The following CSMD2 variants were observed in gnomAD, a reference collection of about 807,000 sequenced individuals.
The protein encoded by CSMD2 is CUB and sushi domain-containing protein 2.
Under a neutral mutation model 398.5 loss-of-function variants are expected in CSMD2, and 130 were observed. The observed-to-expected ratio is 0.33, with a 90% CI of 0.28 to 0.38. The LOEUF is 0.38. CSMD2 is among the 10% of genes least tolerant of loss of function. CSMD2 has a pLI of 1.00. For synonymous variants in CSMD2, 1,828 were observed against 1,908.5 expected, an observed-to-expected ratio of 0.96 and a Z score of 1.10; for missense variants, 3,829 against 4,764.9, an observed-to-expected ratio of 0.80 and a Z score of 5.78.
intron 42 of CSMD2, among the ~76,000 whole-genome samples, chr1:33,602,749 T>A (rs963494696): frequency 2.0e-5 from 3 of 152,166 alleles, no homozygotes; most frequent in Non-Finnish European, 4.4e-5. Flanking sequence ...TGGCTGGCTC[T>A]CAATCATCAC....
chr1:33,935,013 T>TAAAAAAAAAAAAA (rs537683892), intron 4 of CSMD2, among the ~76,000 whole-genome samples: 23 of 41,838 alleles, frequency 5.5e-4, no homozygotes, highest in African/African-American at 1.0e-3. Flanking sequence ...CAAATAAAAT[T>TAAAAAAAAAAAAA]AAAAAAAAAA....
intron 3 of CSMD2, among the ~76,000 whole-genome samples, chr1:34,013,231 G>A (rs541142828): frequency 2.6e-5 from 4 of 152,124 alleles, no homozygotes; most frequent in African/African-American, 7.2e-5. Flanking sequence ...TCAATCCATC[G>A]TTCCCTGGGC....
At chr1:34,086,885 C>T (rs936779086) in intron 2 of CSMD2, among the ~76,000 whole-genome samples, 5 of 152,096 alleles carry the variant, frequency 3.3e-5, no homozygotes, top group African/African-American at 1.2e-4. Flanking sequence ...CTGCCACCTC[C>T]CAGCCTCACT....
intron 25 of CSMD2, among the ~76,000 whole-genome samples, chr1:33,677,859 C>CA (rs1162049232): frequency 6.8e-6 from 1 of 147,704 alleles, no homozygotes; most frequent in African/African-American, 2.5e-5. Context: ...ATCACAAGGA[C>CA]AAAAAACCAA....
chr1:33,912,317 CA>C (rs1643490844), intron 5 of CSMD2, among the ~76,000 whole-genome samples: 1 of 152,074 alleles, frequency 6.6e-6, no homozygotes, highest in African/African-American at 2.4e-5. Context: ...CACAGAGTCA[CA>C]GCCAAGGAAA....
chr1:33,655,240 C>A (rs1416439640), intron 27 of CSMD2, among the ~76,000 whole-genome samples: 2 of 152,218 alleles, frequency 1.3e-5, no homozygotes, highest in African/African-American at 4.8e-5. Flanking sequence ...ATCCTGAGCA[C>A]AAATTCTGAC....
At chr1:33,588,402 T>C (rs1278439334) in intron 44 of CSMD2, among the ~76,000 whole-genome samples, 1 of 152,174 alleles carries the variant, frequency 6.6e-6, no homozygotes, top group Non-Finnish European at 1.5e-5. Context: ...TTTTTCTTTT[T>C]TAACTAGGAA....
intron 65 of CSMD2, among the ~76,000 whole-genome samples, chr1:33,526,432 C>A (rs747132113): frequency 2.0e-5 from 3 of 152,208 alleles, no homozygotes; most frequent in Non-Finnish European, 4.4e-5. Context: ...TCCCATCTAC[C>A]TTATCAGGGT....
intron 9 of CSMD2, among the ~76,000 whole-genome samples, chr1:33,817,594 T>C (rs1435712401): frequency 6.6e-6 from 1 of 152,210 alleles, no homozygotes; most frequent in Non-Finnish European, 1.5e-5. Context: ...AGGCTGAGGT[T>C]TGCTCCAGGG....
At chr1:33,536,951 G>A in intron 62 of CSMD2, 71 bp downstream of exon 62, 1 of 1,458,570 alleles carries the variant, frequency 6.9e-7, no homozygotes. Context: ...AAGGTCTCTG[G>A]GTCCTCTTAT....
Position 34,134,559 on chromosome 1 carries a change from A to T in CSMD2, c.187+30352T>A, listed in dbSNP as rs868290549. 2.6e-5 allele frequency among the ~76,000 whole-genome samples: 4 copies of T among 152,228 alleles called. No individual in the cohort carries two copies. The South Asian group carries it at 8.3e-4, about 32-fold the overall frequency. On this transcript the variant is annotated intron_variant, in intron 1 of 70. Coordinates refer to ENST00000373381, the MANE Select transcript of CSMD2 (RefSeq NM_001281956.2). ...AAGTATGACACAAAACCAGAAGCCAAAACACTGACAAATTTAAGTGCATAA... is the reference window on the plus strand; with the variant it reads ...AAGTATGACACAAAACCAGAAGCCATAACACTGACAAATTTAAGTGCATAA...
rs1655433040 is a variant in CSMD2, at chr1:33,533,302, G to A, written c.9992-73C>T. On this transcript the variant is annotated intron_variant, in intron 63 of 70. Coordinates refer to ENST00000373381, the MANE Select transcript of CSMD2 (RefSeq NM_001281956.2). The surrounding 1 kb of genome is among the most constrained non-coding windows in gnomAD (Gnocchi z 4.2). ...CAGGGGCCCTTTCGACCATTCCCCTGTTCCTAGATAGAATATCCTCTTCCT... is the reference window on the plus strand; with the variant it reads ...CAGGGGCCCTTTCGACCATTCCCCTATTCCTAGATAGAATATCCTCTTCCT... 7.6e-7 allele frequency: 1 copy of A among 1,321,598 alleles called. No individual in the cohort carries two copies. The highest frequency in any genetic ancestry group is 2.4e-5 in the East Asian group (1 of 41,650). The allele number at this position is 1,321,598 out of a possible 1,614,324, so 81.9% of individuals were successfully genotyped here. A position where few individuals can be genotyped will look rare whatever the true frequency, so the allele number is the denominator to read the frequency against.
rs372990596 is a variant in CSMD2, at chr1:33,945,015, AC to A, written c.518-9062del. 3.9e-3 allele frequency among the ~76,000 whole-genome samples: 597 copies of A among 152,188 alleles called. 7 individuals carry two copies. The highest frequency in any genetic ancestry group is 0.014 in the African/African-American group (565 of 41,520). On this transcript the variant is annotated intron_variant, in intron 3 of 70. Coordinates refer to ENST00000373381, the MANE Select transcript of CSMD2 (RefSeq NM_001281956.2). ...AGCTCTCCTTGGCCCCTTTCCTCCAACCTAGACTAGCTGGGGCTGCAAAGAC... is the reference window on the plus strand; with the variant it reads ...AGCTCTCCTTGGCCCCTTTCCTCCAACTAGACTAGCTGGGGCTGCAAAGAC...
At chr1:34,005,260 C>T (rs779538772) in intron 3 of CSMD2, among the ~76,000 whole-genome samples, 46 of 152,264 alleles carry the variant, frequency 3.0e-4, no homozygotes, top group Admixed American at 2.7e-3. Context: ...TGGGCAATGA[C>T]GGGTCATGTG....
At position 33,614,270 on chromosome 1, in the gene CSMD2, C is replaced by T. The variant is rs527641908; in HGVS notation, c.6133+234G>A. Among the ~76,000 whole-genome samples, 6 of 151,952 alleles carry T rather than the reference C, an allele frequency of 3.9e-5. No homozygotes were observed. The East Asian group carries it at 1.2e-3, about 29-fold the overall frequency. Reference sequence around the variant, plus strand: ...CACATTCCTGGATTTTAGTTTATGGCTCAAATAATAATAATGGCAACCCCT... The same window carrying T: ...CACATTCCTGGATTTTAGTTTATGGTTCAAATAATAATAATGGCAACCCCT... On this transcript the variant is annotated intron_variant, in intron 40 of 70. Transcript: ENST00000373381.
At chr1:33,714,856 C>T in intron 20 of CSMD2, 81 bp from the exon 21 acceptor site, 1 of 1,398,712 alleles carries the variant, frequency 7.1e-7, no homozygotes, top group Non-Finnish European at 1.0e-6. Flanking sequence ...ACAGGCAAAA[C>T]ACCAGGGGGA....
At chr1:34,084,329 C>T (rs999748106) in intron 2 of CSMD2, among the ~76,000 whole-genome samples, 3 of 152,144 alleles carry the variant, frequency 2.0e-5, no homozygotes, top group African/African-American at 7.2e-5. Context: ...GTCAGAAAAC[C>T]CAAGTGTCTA....
intron 5 of CSMD2, among the ~76,000 whole-genome samples, chr1:33,857,992 T>C (rs1229974608): frequency 1.3e-5 from 2 of 152,330 alleles, no homozygotes; most frequent in South Asian, 4.2e-4. Context: ...TCCTGTATCC[T>C]TTCATAGGTA....
rs996462127 is a variant in CSMD2 at position 33,614,444 on chromosome 1, G to A, written c.6133+60C>T. 10 of 1,003,410 alleles carry A rather than the reference G, an allele frequency of 1.0e-5. No homozygotes were observed. In the Admixed American group the frequency reaches 1.6e-4, roughly 17 times the overall value. The allele number at this position is 1,003,410 out of a possible 1,614,324, so 62.2% of individuals were successfully genotyped here. A position where few individuals can be genotyped will look rare whatever the true frequency, so the allele number is the denominator to read the frequency against. On this transcript the variant is annotated intron_variant, in intron 40 of 70. Transcript: ENST00000373381. ...TGCTAAGAGATTTTGGCGGACAGTA[G>A]TTTTAAGCTCAAGGGTCTGGGCTTG...
Sources: gnomAD v4.1 joint callset for allele counts (sites outside exome capture counted in the v4.1 genomes callset) on GRCh38, gnomAD v4.1.1 for gene constraint, Gnocchi (gnomAD v3.1) non-coding constraint, MANE v1.5 for transcripts, NCBI Gene and HGNC (gene_info 2026-07-23, HGNC 2026-07-21) for gene names.